The following ZMYND8 variants were observed in gnomAD, a reference collection of about 807,000 sequenced individuals.
ZMYND8 encodes MYND-type zinc finger-containing chromatin reader ZMYND8.
Under a neutral mutation model 140.8 loss-of-function variants are expected in ZMYND8, and 37 were observed. The observed-to-expected ratio is 0.26, with a 90% CI of 0.20 to 0.35. ZMYND8 has a LOEUF of 0.35. Among genes scored for constraint, ZMYND8 ranks in the 10% least tolerant of loss-of-function variants. The pLI, the probability that ZMYND8 is intolerant of heterozygous loss-of-function variation, is 1.00. For missense variants in ZMYND8, 1,068 were observed against 1,570.0 expected (o/e 0.68, Z 5.40); for synonymous variants, 592 against 597.1 (o/e 0.99, Z 0.12).
chr20:47,336,438 T>C (rs928596753), intron 2 of ZMYND8, among the ~76,000 whole-genome samples: 1 of 152,214 alleles, frequency 6.6e-6, no homozygotes, highest in African/African-American at 2.4e-5. Context: ...TTTGGCAGGC[T>C]GGCATCCACA....
intron 2 of ZMYND8, among the ~76,000 whole-genome samples, chr20:47,312,789 CAA>C (rs1210409565): frequency 2.2e-4 from 15 of 68,706 alleles, no homozygotes; most frequent in Admixed American, 3.2e-4. Context: ...GACTCCGTCT[CAA>C]AAAAAAAAAA....
At chr20:47,324,658 TC>T (rs1426695360) in intron 2 of ZMYND8, among the ~76,000 whole-genome samples, 2 of 152,182 alleles carry the variant, frequency 1.3e-5, no homozygotes, top group Non-Finnish European at 2.9e-5. Context: ...CTTCTCTCCT[TC>T]ATTCACTCAG....
chr20:47,291,997 A>G (rs2077294614), intron 5 of ZMYND8, 109 bp from the exon 6 acceptor site: 2 of 897,356 alleles, frequency 2.2e-6, no homozygotes, highest in Non-Finnish European at 3.2e-6. Context: ...CAGACAATAT[A>G]GTTCTAAAGT....
At chr20:47,284,733 T>C (rs1318043598) in intron 8 of ZMYND8, among the ~76,000 whole-genome samples, 1 of 152,234 alleles carries the variant, frequency 6.6e-6, no homozygotes, top group East Asian at 1.9e-4. Flanking sequence ...TTTATTGTCC[T>C]TTTCTCTCAT....
chr20:47,344,067 C>G (rs1274874034), intron 2 of ZMYND8, among the ~76,000 whole-genome samples: 1 of 151,212 alleles, frequency 6.6e-6, no homozygotes, highest in East Asian at 1.9e-4. Context: ...ACCCCCTCCA[C>G]CCCGGGTTCA....
intron 3 of ZMYND8, among the ~76,000 whole-genome samples, chr20:47,300,688 C>G (rs905986726): frequency 1.3e-5 from 2 of 152,258 alleles, no homozygotes; most frequent in African/African-American, 4.8e-5. Context: ...GGCAGGCACC[C>G]ATATCTTGTT....
rs1332685490 is a variant in ZMYND8, at chr20:47,293,127, G to A, written c.568-1239C>T. Among the ~76,000 whole-genome samples the A allele has an allele frequency of 6.1e-4, 6 of 9,886 alleles. No individual in the cohort carries two copies. The East Asian group carries it at 0.032, about 53-fold the overall frequency. The allele number at this position is 9,886 out of a possible 152,430, so 6.5% of individuals were successfully genotyped here. A position where few individuals can be genotyped will look rare whatever the true frequency, so the allele number is the denominator to read the frequency against. ...ACGAGGAAAGAAGGAAGGAAGGAAG[G>A]AAGGAAGGAAGGAAGGAAGGAAGGG... On this transcript the variant is annotated intron_variant, in intron 5 of 22. Coordinates refer to ENST00000471951, the MANE Select transcript of ZMYND8 (RefSeq NM_001281775.3).
chr20:47,220,361 CTG>C, intron 20 of ZMYND8, 37 bp from the exon 21 acceptor site: 1 of 1,506,888 alleles, frequency 6.6e-7, no homozygotes, highest in Non-Finnish European at 9.0e-7. Flanking sequence ...ACTCAAGGCA[CTG>C]AGGCTACTGT....
At chr20:47,321,850 G>C (rs1420983780) in intron 2 of ZMYND8, among the ~76,000 whole-genome samples, 2 of 147,640 alleles carry the variant, frequency 1.4e-5, no homozygotes, top group South Asian at 4.2e-4. Flanking sequence ...TTTAAAACTC[G>C]CCGCCCTTTT....
intron 2 of ZMYND8, chr20:47,318,404 A>AC (rs2079590137): frequency 9.0e-6 from 3 of 332,888 alleles, no homozygotes; most frequent in South Asian, 4.8e-5. Context: ...CAGAGCAGGT[A>AC]CCCAAACAGG....
chr20:47,246,386 C>T lies in ZMYND8; in HGVS notation c.1906G>A (p.Asp636Asn), dbSNP rs993596882. The change falls in exon 14 of 23, where the codon GAC becomes AAC. Residue 636 changes from aspartate (D) to asparagine (N), a missense_variant. This residue lies in a region of ZMYND8 where 383 missense variants were observed against 431.2 expected (regional missense o/e 0.89). Coordinates refer to ENST00000471951, the MANE Select transcript of ZMYND8 (RefSeq NM_001281775.3). ...DEQKSKNEPE[D>N]TEDKEGCQMD... ...TGACAACCTTCTTTGTCCTCTGTGT[C>T]TTCTGGCTCGTTCTTAGACTTCTGC... is the stretch of plus-strand genomic sequence containing the variant. The T allele has an allele frequency of 6.2e-7, 1 of 1,614,018 alleles. No individual in the cohort carries two copies. Among genetic ancestry groups the T allele is most frequent in the African/African-American group, 1.3e-5 (1 of 74,986 alleles).
chr20:47,225,576 AGGGAGGGGAAGGAAGGGGAAGGAGGGGAT>A (rs2037572994), intron 18 of ZMYND8, among the ~76,000 whole-genome samples: 52 of 638 alleles, frequency 0.082, no homozygotes, highest in South Asian at 0.33. Context: ...AGGGAGGGGA[AGGGAGGGGAAGGAAGGGGAAGGAGGGGAT>A]GGGAGGGGAA....
Position 47,228,131 on chromosome 20 carries a change from AAC to A in ZMYND8, c.2938-852_2938-851del, listed in dbSNP as rs1409631764. Among the ~76,000 whole-genome samples, 15 of 152,172 alleles carry A rather than the reference AAC, an allele frequency of 9.9e-5. No individual in the cohort carries two copies. The East Asian group carries it at 2.1e-3, about 22-fold the overall frequency. ...AAATTTAATTTAAAAAATAATAATA[AAC>A]AGTGTTTAATTATCGCAGTAGTTCT... On this transcript the variant is annotated intron_variant, in intron 17 of 22. Transcript: ENST00000471951.
At chr20:47,319,242 C>T (rs2079703341) in intron 2 of ZMYND8, 1 of 360,586 alleles carries the variant, frequency 2.8e-6, no homozygotes, top group Non-Finnish European at 5.5e-6. Flanking sequence ...TATAATTTAT[C>T]ACCCTCAACA....
chr20:47,257,102 C>T (rs750598925), intron 12 of ZMYND8, among the ~76,000 whole-genome samples: 10 of 152,150 alleles, frequency 6.6e-5, no homozygotes, highest in Non-Finnish European at 1.2e-4. Context: ...CTGAGTCATA[C>T]AGGGGGCTCG....
At chr20:47,254,131 G>A (rs1159313131) in intron 12 of ZMYND8, among the ~76,000 whole-genome samples, 7 of 152,160 alleles carry the variant, frequency 4.6e-5, no homozygotes, top group Admixed American at 1.3e-4. Flanking sequence ...CTTCTATATC[G>A]GGAATATCTT....
chr20:47,269,070 A>T (rs1188105289), intron 11 of ZMYND8, among the ~76,000 whole-genome samples: 1 of 152,006 alleles, frequency 6.6e-6, no homozygotes, highest in African/African-American at 2.4e-5. Flanking sequence ...GTGTTGGCAC[A>T]TGCCTGTAAT....
At chr20:47,272,357 G>A (rs1242937157) in intron 11 of ZMYND8, among the ~76,000 whole-genome samples, 1 of 152,156 alleles carries the variant, frequency 6.6e-6, no homozygotes, top group African/African-American at 2.4e-5. Flanking sequence ...GATTACAGAC[G>A]TGAACCACCG....
chr20:47,244,376 T>A (rs1049577193), intron 14 of ZMYND8, among the ~76,000 whole-genome samples: 2 of 152,230 alleles, frequency 1.3e-5, no homozygotes, highest in Admixed American at 1.3e-4. Flanking sequence ...TCAGTATCTT[T>A]ATTGAGCATG....
Sources: gnomAD v4.1 joint callset for allele counts (sites outside exome capture counted in the v4.1 genomes callset) on GRCh38, gnomAD v4.1.1 for gene constraint, gnomAD v4.1.1 regional missense constraint, MANE v1.5 for transcripts, NCBI Gene and HGNC (gene_info 2026-07-23, HGNC 2026-07-21) for gene names.